The following AGBL2 variants were observed in gnomAD, a reference collection of about 807,000 sequenced individuals.
AGBL2 encodes the protein cytosolic carboxypeptidase 2.
AGBL2 carries 87 observed loss-of-function variants against 103.0 expected under a neutral mutation model. The observed-to-expected ratio is 0.84, with a 90% CI of 0.71 to 1.01. AGBL2 has a LOEUF of 1.01. Ranked by LOEUF, AGBL2 falls within the 50% of genes least tolerant of loss-of-function variation. The pLI is 0.00. For missense variants in AGBL2, 904 were observed against 1,023.5 expected (o/e 0.88, Z 1.59); for synonymous variants, 335 against 356.7 (o/e 0.94, Z 0.69).
Position 47,685,943 on chromosome 11 carries a change from GC to G in AGBL2, c.1737del (p.Trp579CysfsTer9). ...ATTAAAGGAAAGACTCGTTCATGAA[GC>G]CAGTATTTGCGATTGTTGTTATTAC... The part of the protein sequence containing the change: ...YGCNNNNRKY[W>X]LHERVFPLML... On this transcript the variant is annotated frameshift_variant, in exon 11 of 19. Transcript: ENST00000525123. LOFTEE classifies it high-confidence loss of function. 1 of 1,613,976 alleles carries G rather than the reference GC, an allele frequency of 6.2e-7. No individual in the cohort carries two copies. The highest frequency in any genetic ancestry group is 8.5e-7 in the Non-Finnish European group (1 of 1,179,952).
chr11:47,713,940 A>G, intron 3 of AGBL2: 1 of 216,608 alleles, frequency 4.6e-6, no homozygotes, highest in Middle Eastern at 2.0e-3. Context: ...CAGCCGTGAC[A>G]CTTCTGAAGA....
At chr11:47,696,704 T>C (rs2097475627) in intron 8 of AGBL2, among the ~76,000 whole-genome samples, 1 of 152,226 alleles carries the variant, frequency 6.6e-6, no homozygotes, top group South Asian at 2.1e-4. Flanking sequence ...TCTAATTTGT[T>C]GTCATAAAGT....
intron 8 of AGBL2, among the ~76,000 whole-genome samples, chr11:47,698,229 A>G (rs1166115038): frequency 7.5e-6 from 1 of 134,090 alleles, no homozygotes; most frequent in Non-Finnish European, 1.5e-5. Flanking sequence ...GCTGGAGTGC[A>G]TGGCACGATC....
chr11:47,690,677 A>T lies in AGBL2; in HGVS notation c.1030T>A (p.Leu344Met), dbSNP rs373002225. ...CCAATATTGCGGGTGTTGGCATCCA[A>T]TTGGGAGTACAAGAGTGGCTTCATC... Reference protein sequence around the residue: ...VGMKPLLYSQLDANTRNIGWR... With the variant: ...VGMKPLLYSQMDANTRNIGWR... The change falls in exon 10 of 19, where the codon TTG becomes ATG. Residue 344 changes from leucine to methionine, a missense_variant. Physicochemically the swap from Leu to Met is conservative, Grantham distance 15 (BLOSUM62 2). Transcript: ENST00000525123. The T allele has an allele frequency of 1.2e-6, 2 of 1,613,974 alleles. No homozygotes were observed. Among genetic ancestry groups the T allele is most frequent in the African/African-American group, 2.7e-5 (2 of 74,886 alleles).
At position 47,690,306 on chromosome 11, in the gene AGBL2, A is replaced by G. The variant is rs766554411; in HGVS notation, c.1401T>C (p.Asn467=). The change falls in exon 10 of 19, where the codon AAT becomes AAC. Residue 467 remains asparagine, a synonymous_variant. Coordinates refer to ENST00000525123, the MANE Select transcript of AGBL2 (RefSeq NM_024783.4). ...AAAAGCCTTTCATAACCCAGGAGCC[A>G]TTACTTTCTCCAGGGTGAACTCTGG... ...LSARVHPGES[N]GSWVMKGFLD... is the part of the protein sequence containing the mutation. 2.5e-6 allele frequency: 4 copies of G among 1,613,722 alleles called. No individual in the cohort carries two copies. Among genetic ancestry groups the G allele is most frequent in the Non-Finnish European group, 2.5e-6 (3 of 1,179,866 alleles).
At chr11:47,695,922 TG>T (rs1398884418) in intron 8 of AGBL2, among the ~76,000 whole-genome samples, 2 of 139,218 alleles carry the variant, frequency 1.4e-5, no homozygotes, top group African/African-American at 5.5e-5. Flanking sequence ...CTCAGCACTG[TG>T]GGAGGCGGAG....
intron 15 of AGBL2, 132 bp downstream of exon 15, chr11:47,668,709 G>A (rs1256455338): frequency 1.6e-6 from 1 of 633,894 alleles, no homozygotes; most frequent in Non-Finnish European, 2.8e-6. Flanking sequence ...TTTAGGGCAA[G>A]GTGACTAGTT....
intron 7 of AGBL2, among the ~76,000 whole-genome samples, chr11:47,700,493 C>A (rs889050491): frequency 6.6e-6 from 1 of 151,900 alleles, no homozygotes; most frequent in Non-Finnish European, 1.5e-5. Context: ...GTAGGAGAAT[C>A]GCTCTAACCT....
intron 14 of AGBL2, among the ~76,000 whole-genome samples, chr11:47,672,939 C>T (rs2097361840): frequency 6.6e-6 from 1 of 152,128 alleles, no homozygotes. Flanking sequence ...GGCACTTTAG[C>T]CAGTAAGTTA....
At chr11:47,690,030 A>G in intron 10 of AGBL2, 46 bp downstream of exon 10, 2 of 1,516,758 alleles carry the variant, frequency 1.3e-6, no homozygotes, top group Admixed American at 2.0e-5. Context: ...ATCTGGTGCT[A>G]GGACTCATAG....
intron 4 of AGBL2, among the ~76,000 whole-genome samples, chr11:47,708,642 C>T (rs1027534567): frequency 2.7e-5 from 4 of 150,274 alleles, no homozygotes; most frequent in Non-Finnish European, 4.4e-5. Context: ...GGTGAAACCC[C>T]GTCTCTACTA....
intron 4 of AGBL2, among the ~76,000 whole-genome samples, chr11:47,706,696 G>T (rs1473190997): frequency 6.6e-6 from 1 of 151,916 alleles, no homozygotes; most frequent in Admixed American, 6.6e-5. Flanking sequence ...AGCCTCAAAA[G>T]AATGTGTTTT....
chr11:47,673,412 G>A (rs1057047421), intron 14 of AGBL2, among the ~76,000 whole-genome samples: 1 of 152,064 alleles, frequency 6.6e-6, no homozygotes, highest in Non-Finnish European at 1.5e-5. Context: ...GATCACCTGA[G>A]GTCGGGAGTT....
At chr11:47,682,501 T>A (rs2097405066) in intron 11 of AGBL2, among the ~76,000 whole-genome samples, 1 of 152,176 alleles carries the variant, frequency 6.6e-6, no homozygotes, top group African/African-American at 2.4e-5. Context: ...AACATCCGTT[T>A]GGCATTCAAG....
chr11:47,689,783 G>A (rs2097437859), intron 10 of AGBL2, among the ~76,000 whole-genome samples: 1 of 152,102 alleles, frequency 6.6e-6, no homozygotes, highest in South Asian at 2.1e-4. Flanking sequence ...TCATCATGAA[G>A]ACCTATGAAC....
chr11:47,707,693 T>TGGCAACAGCAGTATA (rs1293959896), intron 4 of AGBL2, among the ~76,000 whole-genome samples: 2 of 152,180 alleles, frequency 1.3e-5, no homozygotes, highest in Non-Finnish European at 2.9e-5. Context: ...TTACTCACAT[T>TGGCAACAGCAGTATA]GGCAACAGCA....
rs115189308 is a variant in AGBL2 at position 47,704,137 on chromosome 11, C to T, written c.586+406G>A. Among the ~76,000 whole-genome samples, 621 of 151,732 alleles carry T rather than the reference C, an allele frequency of 4.1e-3. 1 individual carries two copies. Among genetic ancestry groups the T allele is most frequent in the African/African-American group, 0.015 (606 of 41,400 alleles). The stretch of plus-strand genomic sequence containing the variant: ...TAAATAAATAAATGTTGACTCTGTC[C>T]TGCCTTATACTTAAGCACGTAGGAC... On this transcript the variant is annotated intron_variant, in intron 7 of 18. Transcript: ENST00000525123.
chr11:47,682,214 G>T, intron 11 of AGBL2, 119 bp from the exon 12 acceptor site: 2 of 1,046,886 alleles, frequency 1.9e-6, no homozygotes, highest in Non-Finnish European at 1.4e-6. Flanking sequence ...CCCAAAGCAT[G>T]TTCCACAAAA....
At chr11:47,687,196 G>A (rs1032055113) in intron 10 of AGBL2, among the ~76,000 whole-genome samples, 6 of 151,578 alleles carry the variant, frequency 4.0e-5, no homozygotes, top group Admixed American at 1.3e-4. Flanking sequence ...CCTACATGCT[G>A]TCTGCAATTC....
Sources: allele counts gnomAD v4.1 joint callset (sites outside exome capture counted in the v4.1 genomes callset), GRCh38; gene constraint gnomAD v4.1.1; transcripts MANE v1.5; gene names NCBI Gene and HGNC (gene_info 2026-07-23, HGNC 2026-07-21).